HSP90AA1: variants seen among roughly 807,000 people sequenced by gnomAD.
HSP90AA1 encodes heat shock protein HSP 90-alpha.
HSP90AA1 carries 18 observed loss-of-function variants against 73.3 expected under a neutral mutation model. The ratio of observed to expected loss-of-function variants is 0.25; its 90% CI spans 0.17 to 0.36. The LOEUF (loss-of-function observed/expected upper bound fraction) is 0.36. HSP90AA1 is among the 10% of genes least tolerant of loss of function. The pLI, the probability that HSP90AA1 is intolerant of heterozygous loss-of-function variation, is 1.00. For synonymous variants in HSP90AA1, 477 were observed against 296.9 expected (o/e 1.61, Z -6.24); for missense variants, 704 against 874.2 (o/e 0.81, Z 2.45).
chr14:102,085,520 A>C (rs2049206978), intron 3 of HSP90AA1, 89 bp from the exon 4 acceptor site: 1 of 1,385,604 alleles, frequency 7.2e-7, no homozygotes. Context: ...TCTATAAAGC[A>C]AGGTTTGCCG....
At chr14:102,101,948 G>A (rs575689062) in exon 2 of HSP90AA1, 2 of 1,614,134 alleles carry the variant, frequency 1.2e-6, no homozygotes, top group Admixed American at 1.7e-5. Flanking sequence ...CTGTCTGAAG[G>A]CCAGTGACGC....
At position 102,083,852 on chromosome 14, in the gene HSP90AA1, G is replaced by A. The variant is rs774744354; in HGVS notation, c.1279C>T (p.Leu427=). ...VKKCLELFTE[L]AEDKENYKKF... The stretch of plus-strand genomic sequence containing the variant: ...TTGTAGTTCTCTTTATCTTCCGCCA[G>A]TTCAGTAAAGAGTTCTAAGCATTTT... The change falls in exon 7 of 11, where the codon CTG becomes TTG. Residue 427 remains leucine (L), a synonymous_variant. Transcript: ENST00000216281. 11 of 1,613,712 alleles carry A rather than the reference G, an allele frequency of 6.8e-6. No homozygotes were observed. Among genetic ancestry groups the A allele is most frequent in the Non-Finnish European group, 6.8e-6 (8 of 1,179,916 alleles).
rs2152609839 is a variant in HSP90AA1, at chr14:102,082,312, C to T, written c.1888G>A (p.Ala630Thr). The change falls in exon 10 of 11, where the codon GCA becomes ACA. Residue 630 changes from alanine to threonine, a missense_variant. Coordinates refer to ENST00000216281, the MANE Select transcript of HSP90AA1 (RefSeq NM_005348.4). ...RDNSTMGYMAAKKHLEINPDH... is the reference protein window; with the variant it reads ...RDNSTMGYMATKKHLEINPDH... ...GGGTTTATCTCCAGGTGTTTCTTTG[C>T]TGCCATGTAACCCATTGTTGAGTTG... is the stretch of plus-strand genomic sequence containing the variant. The T allele has an allele frequency of 6.2e-7, 1 of 1,613,946 alleles. No individual in the cohort carries two copies. Among genetic ancestry groups the T allele is most frequent in the Non-Finnish European group, 8.5e-7 (1 of 1,179,808 alleles).
At chr14:102,117,732 A>G (rs1407256044) in intron 1 of HSP90AA1, among the ~76,000 whole-genome samples, 3 of 152,180 alleles carry the variant, frequency 2.0e-5, no homozygotes, top group Non-Finnish European at 4.4e-5. Flanking sequence ...AAAGAACTGT[A>G]ACACAAACAG....
Position 102,085,007 on chromosome 14 carries a change from G to C in HSP90AA1, c.664-9C>G, listed in dbSNP as rs766223729. 3.7e-6 allele frequency: 6 copies of C among 1,612,954 alleles called. No homozygotes were observed. The South Asian group carries it at 5.5e-5, about 15-fold the overall frequency. On this transcript the variant is annotated splice_polypyrimidine_tract_variant and intron_variant, in intron 4 of 10. Coordinates refer to ENST00000216281, the MANE Select transcript of HSP90AA1 (RefSeq NM_005348.4). Reference sequence around the variant, plus strand: ...TCACGTTCCTTCTCCACCTTCAAAAGAAAACACGAAATCACATCACTGCTG... The same window carrying C: ...TCACGTTCCTTCTCCACCTTCAAAACAAAACACGAAATCACATCACTGCTG...
intron 1 of HSP90AA1, among the ~76,000 whole-genome samples, chr14:102,112,155 T>C (rs2049650054): frequency 6.6e-6 from 1 of 152,224 alleles, no homozygotes; most frequent in African/African-American, 2.4e-5. Flanking sequence ...TTAGATTCTC[T>C]AGGTGGTCTT....
chr14:102,134,930 G>C (rs1041080201), intron 1 of HSP90AA1, among the ~76,000 whole-genome samples: 1 of 152,168 alleles, frequency 6.6e-6, no homozygotes, highest in Admixed American at 6.5e-5. Context: ...GTTTTGTCAG[G>C]CCGCTGATTG....
rs536071141 is a variant in HSP90AA1 at position 102,081,106 on chromosome 14, T to C, written c.*606A>G. 45 of 229,910 alleles carry C rather than the reference T, an allele frequency of 2.0e-4. No individual in the cohort carries two copies. The highest frequency in any genetic ancestry group is 9.1e-4 in the African/African-American group (41 of 45,112). 14.2% of individuals were successfully genotyped at this position (229,910 alleles called of 1,614,324 possible). On this transcript the variant is annotated 3_prime_UTR_variant, in exon 11 of 11. Coordinates refer to ENST00000216281, the MANE Select transcript of HSP90AA1 (RefSeq NM_005348.4). ...AGCAGAATGTGACTCGAGCACTACA[T>C]TTCCATCCACAAGACTGGGTCTGAG...
At chr14:102,132,868 G>C (rs898235430) in intron 1 of HSP90AA1, among the ~76,000 whole-genome samples, 1 of 152,130 alleles carries the variant, frequency 6.6e-6, no homozygotes, top group Non-Finnish European at 1.5e-5. Context: ...GCTGAGGCAG[G>C]AGAATTGGTT....
chr14:102,088,596 G>A (rs980737630), upstream of HSP90AA1, among the ~76,000 whole-genome samples: 9 of 152,210 alleles, frequency 5.9e-5, no homozygotes, highest in African/African-American at 1.9e-4. Flanking sequence ...CCGGGTGTGT[G>A]CCTGGTCCTG....
intron 1 of HSP90AA1, among the ~76,000 whole-genome samples, chr14:102,122,270 C>A (rs2049786805): frequency 7.1e-6 from 1 of 141,636 alleles, no homozygotes; most frequent in South Asian, 2.2e-4. Flanking sequence ...GGAAAAGGAT[C>A]TGTTTAAAGA....
At chr14:102,123,326 G>A (rs1362929309) in intron 1 of HSP90AA1, among the ~76,000 whole-genome samples, 5 of 152,078 alleles carry the variant, frequency 3.3e-5, no homozygotes, top group Admixed American at 6.6e-5. Flanking sequence ...CTGGGAGGCA[G>A]TAGTGAGCCA....
At chr14:102,102,948 G>A (rs953567728) in intron 1 of HSP90AA1, among the ~76,000 whole-genome samples, 1 of 152,092 alleles carries the variant, frequency 6.6e-6, no homozygotes. Context: ...GGAGGCCGAG[G>A]TGGGCAGATG....
rs2049174478 is a variant in HSP90AA1 at position 102,084,455 on chromosome 14, T to C, written c.1091A>G (p.Tyr364Cys). ...NRKKKNNIKL[Y>C]VRRVFIMDNC... The stretch of plus-strand genomic sequence containing the variant: ...ATCCATGATGAAAACTCTGCGTACA[T>C]ACAATTTGATGTTGTTCTTTTTCTT... The change falls in exon 6 of 11, where the codon TAT (tyrosine) becomes TGT (cysteine). Residue 364 changes from tyrosine (Y) to cysteine (C), a missense_variant. Coordinates refer to ENST00000216281, the MANE Select transcript of HSP90AA1 (RefSeq NM_005348.4). The C allele has an allele frequency of 2.5e-6, 4 of 1,613,414 alleles. No individual in the cohort carries two copies. The highest frequency in any genetic ancestry group is 1.3e-5 in the African/African-American group (1 of 74,946).
At chr14:102,084,286 T>G in intron 6 of HSP90AA1, 113 bp downstream of exon 6, 1 of 968,200 alleles carries the variant, frequency 1.0e-6, no homozygotes, top group East Asian at 2.4e-5. Context: ...CCTCAAGTGA[T>G]CTGCCCACCC....
intron 1 of HSP90AA1, among the ~76,000 whole-genome samples, chr14:102,135,671 A>G (rs10132273): frequency 0.035 from 5,256 of 152,336 alleles, 248 homozygotes; most frequent in African/African-American, 0.1. Flanking sequence ...GAAGGCAGCT[A>G]AGGCCCGGCG....
rs76468403 is a variant in HSP90AA1 at position 102,130,489 on chromosome 14, T to C, written c.155+8761A>G. Among the ~76,000 whole-genome samples, 842 of 152,358 alleles carry C rather than the reference T, an allele frequency of 5.5e-3. 4 individuals are homozygous for C. The highest frequency in any genetic ancestry group is 0.014 in the Middle Eastern group (4 of 294). ...TTGATTATAGCCATCCTAGTGTATA[T>C]GAAGTGACATCTCCTTGTGGTTTTA... On this transcript the variant is annotated intron_variant, in intron 1 of 11. Transcript: ENST00000334701.
upstream of HSP90AA1, chr14:102,087,077 G>C (rs41438744): frequency 0.083 from 81,943 of 983,692 alleles, 3,893 homozygotes; most frequent in African/African-American, 0.2. Context: ...CTTATATAGC[G>C]ACGGGCCCGC....
At chr14:102,113,775 A>T (rs2152622451) in intron 1 of HSP90AA1, among the ~76,000 whole-genome samples, 2 of 152,042 alleles carry the variant, frequency 1.3e-5, no homozygotes, top group South Asian at 4.1e-4. Context: ...CAGTGGCATG[A>T]TCTTGACTCA....
Sources: allele counts gnomAD v4.1 joint callset (sites outside exome capture counted in the v4.1 genomes callset), GRCh38; gene constraint gnomAD v4.1.1; transcripts MANE v1.5; gene names NCBI Gene and HGNC (gene_info 2026-07-23, HGNC 2026-07-21).